Variants in PCM1 observed in about 807,000 individuals in gnomAD.
PCM1 encodes pericentriolar material 1 protein.
A neutral mutation model predicts 241.9 loss-of-function variants in PCM1; 157 were observed. That is an observed-to-expected ratio of 0.65 (90% CI 0.57 to 0.74). The LOEUF is 0.74. Ranked by LOEUF, PCM1 falls within the 30% of genes least tolerant of loss-of-function variation. The pLI, the probability that PCM1 is intolerant of heterozygous loss-of-function variation, is 0.00. For synonymous variants in PCM1, 1,085 were observed against 784.9 expected (o/e 1.38, Z -6.39); for missense variants, 3,478 against 2,360.1 (o/e 1.47, Z -9.81).
chr8:17,981,978 G>C (rs940505237), intron 24 of PCM1, among the ~76,000 whole-genome samples: 5 of 151,846 alleles, frequency 3.3e-5, no homozygotes, highest in Admixed American at 1.3e-4. Context: ...ACAAAAATTT[G>C]AAAGCAAAAA....
intron 6 of PCM1, among the ~76,000 whole-genome samples, chr8:17,945,799 T>C (rs1301919930): frequency 6.6e-6 from 1 of 151,294 alleles, no homozygotes; most frequent in Non-Finnish European, 1.5e-5. Flanking sequence ...ATTTTTACTT[T>C]CAAAAGAAAT....
At chr8:18,021,263 C>T (rs1446230933) in intron 36 of PCM1, among the ~76,000 whole-genome samples, 1 of 152,134 alleles carries the variant, frequency 6.6e-6, no homozygotes, top group Non-Finnish European at 1.5e-5. Context: ...TACAAACCAT[C>T]ATGGTGAAGA....
chr8:17,956,383 T>C (rs2068495713), intron 10 of PCM1, among the ~76,000 whole-genome samples: 2 of 152,180 alleles, frequency 1.3e-5, no homozygotes, highest in Admixed American at 1.3e-4. Context: ...TCTTACACTT[T>C]TGTCCCTAAA....
At chr8:17,928,616 CTTTTTTTTTTTTT>C (rs71215287) in intron 2 of PCM1, among the ~76,000 whole-genome samples, 7 of 82,584 alleles carry the variant, frequency 8.5e-5, no homozygotes, top group South Asian at 8.4e-4. Context: ...GTATCTCCCT[CTTTTTTTTTTTTT>C]TTTTTTTTTT....
chr8:18,027,576 C>T (rs916819340), intron 38 of PCM1, 61 bp from the exon 39 acceptor site: 4 of 1,185,324 alleles, frequency 3.4e-6, no homozygotes, highest in Non-Finnish European at 4.9e-6. Context: ...TGACAGAGAA[C>T]AATGTTAAAT....
At chr8:17,928,623 T>A (rs776018240) in intron 2 of PCM1, among the ~76,000 whole-genome samples, 7,496 of 129,916 alleles carry the variant, frequency 0.058, 307 homozygotes, top group African/African-American at 0.11. Flanking sequence ...CCTCTTTTTT[T>A]TTTTTTTTTT....
chr8:17,932,371 T>TGTCCC (rs1422319532), intron 2 of PCM1, among the ~76,000 whole-genome samples: 2 of 152,154 alleles, frequency 1.3e-5, no homozygotes, highest in Non-Finnish European at 1.5e-5. Flanking sequence ...TTTCCAGAAA[T>TGTCCC]GTTATACTGG....
rs772980386 is a variant in PCM1, at chr8:18,011,277, C to T, written c.5261C>T (p.Ser1754Phe). 1.0e-5 allele frequency: 16 copies of T among 1,606,660 alleles called. No individual in the cohort carries two copies. Among genetic ancestry groups the T allele is most frequent in the Non-Finnish European group, 1.4e-5 (16 of 1,176,432 alleles). Residue 1754 changes from serine (S) to phenylalanine (F), a missense_variant, in exon 33 of 39, where the codon TCT (serine) becomes TTT (phenylalanine). Coordinates refer to ENST00000325083, the MANE Select transcript of PCM1 (RefSeq NM_006197.4). ...ETETVKQTQT[S>F]EVYDGPKNVR... The stretch of plus-strand genomic sequence containing the variant: ...GAAACAGTTAAGCAGACTCAAACAT[C>T]TGAGGTGTATGATGGTCCCAAAAAT...
chr8:17,937,401 A>G (rs1246037298), intron 4 of PCM1, 22 bp downstream of exon 4: 8 of 1,545,734 alleles, frequency 5.2e-6, no homozygotes, highest in Middle Eastern at 1.7e-4. Flanking sequence ...ATTTTTAAAA[A>G]TGAAGCTATT....
chr8:17,960,907 G>A (rs1407463776), intron 15 of PCM1, among the ~76,000 whole-genome samples: 4 of 151,972 alleles, frequency 2.6e-5, no homozygotes, highest in Non-Finnish European at 4.4e-5. Context: ...GGGGTTATAC[G>A]TTTACAGTGT....
chr8:17,929,080 T>C (rs2058139356), intron 2 of PCM1, among the ~76,000 whole-genome samples: 1 of 152,194 alleles, frequency 6.6e-6, no homozygotes. Flanking sequence ...TTTTTCCCTC[T>C]TCCTTCCAAT....
At position 17,944,812 on chromosome 8, in the gene PCM1, A is replaced by C. The variant is rs559095410; in HGVS notation, c.784-2374A>C. ...TGTTTATATGAATGTGAAAGTTATT[A>C]AGTAGTAATATTTCACTAATTTTGA... On this transcript the variant is annotated intron_variant, in intron 6 of 38. Transcript: ENST00000325083. Among the ~76,000 whole-genome samples the C allele has an allele frequency of 1.6e-4, 25 of 152,206 alleles. No individual in the cohort carries two copies. In the East Asian group the frequency reaches 4.8e-3, roughly 29 times the overall value.
chr8:17,955,735 C>A, intron 10 of PCM1, 82 bp downstream of exon 10: 3 of 1,039,098 alleles, frequency 2.9e-6, no homozygotes, highest in Non-Finnish European at 2.9e-6. Flanking sequence ...GAAAATTCTG[C>A]AAAACGAGAT....
In PCM1 at chr8:17,993,491, G is replaced by T; in HGVS notation, c.4699G>T (p.Val1567Phe). 1 of 1,561,388 alleles carries T rather than the reference G, an allele frequency of 6.4e-7. No individual in the cohort carries two copies. Among genetic ancestry groups the T allele is most frequent in the Non-Finnish European group, 8.7e-7 (1 of 1,154,528 alleles). ...TTVNNLEETP[V>F]IENRSSQQPV... ...TTCTTTTTAAAAATTAGAAACTCCCGTTATTGAAAATCGTAGTTCACAACA... is the reference window on the plus strand; with the variant it reads ...TTCTTTTTAAAAATTAGAAACTCCCTTTATTGAAAATCGTAGTTCACAACA... Residue 1567 changes from valine to phenylalanine, a missense_variant, in exon 29 of 39, where the codon GTT becomes TTT. Val to Phe is a conservative substitution (Grantham distance 50). Coordinates refer to ENST00000325083, the MANE Select transcript of PCM1 (RefSeq NM_006197.4).
chr8:17,987,936 T>G (rs1197963461), intron 26 of PCM1, among the ~76,000 whole-genome samples: 1 of 151,872 alleles, frequency 6.6e-6, no homozygotes, highest in Non-Finnish European at 1.5e-5. Context: ...CCTCATTCTC[T>G]AGATGCTTCT....
chr8:17,948,130 C>T lies in PCM1; in HGVS notation c.961+767C>T, dbSNP rs556712162. Among the ~76,000 whole-genome samples, 21 of 152,066 alleles carry T rather than the reference C, an allele frequency of 1.4e-4. No individual in the cohort carries two copies. In the East Asian group the frequency reaches 2.9e-3, roughly 21 times the overall value. ...TTAGTAATAATTTCTCTTCTTTGAG[C>T]GCTTTGTTTTTGCGAGTGAGTTAGG... On this transcript the variant is annotated intron_variant, in intron 7 of 38. Coordinates refer to ENST00000325083, the MANE Select transcript of PCM1 (RefSeq NM_006197.4).
At chr8:17,984,211 A>G (rs929934094) in intron 24 of PCM1, among the ~76,000 whole-genome samples, 3 of 152,132 alleles carry the variant, frequency 2.0e-5, no homozygotes, top group African/African-American at 7.2e-5. Flanking sequence ...TAAATATGTC[A>G]TTAAACAGTT....
At chr8:17,938,431 C>T (rs1156384973) in intron 4 of PCM1, among the ~76,000 whole-genome samples, 1 of 152,104 alleles carries the variant, frequency 6.6e-6, no homozygotes, top group Admixed American at 6.6e-5. Flanking sequence ...AAAAATGAAA[C>T]TCCTAACACT....
Position 17,939,756 on chromosome 8 carries a change from T to A in PCM1, c.678T>A (p.Leu226=), listed in dbSNP as rs2061490573. The change falls in exon 6 of 39, where the codon CTT becomes CTA. Residue 226 remains leucine, a synonymous_variant. Coordinates refer to ENST00000325083, the MANE Select transcript of PCM1 (RefSeq NM_006197.4). ...AAGCTAGTTCCATGCGGGAAGATCT[T>A]GTAGAGAAAAATGAGAGATCTGCTA... ...ITKASSMRED[L]VEKNERSANV... 6.4e-7 allele frequency: 1 copy of A among 1,557,158 alleles called. No individual in the cohort carries two copies. The highest frequency in any genetic ancestry group is 1.4e-5 in the African/African-American group (1 of 73,738).
Sources: gnomAD v4.1 joint callset for allele counts (sites outside exome capture counted in the v4.1 genomes callset) on GRCh38, gnomAD v4.1.1 for gene constraint, MANE v1.5 for transcripts, NCBI Gene and HGNC (gene_info 2026-07-23, HGNC 2026-07-21) for gene names.